SLIT3: variants seen among roughly 807,000 people sequenced by gnomAD.
SLIT3 encodes the protein slit guidance ligand 3.
A neutral mutation model predicts 184.0 loss-of-function variants in SLIT3; 68 were observed. The ratio of observed to expected loss-of-function variants is 0.37; its 90% confidence interval spans 0.30 to 0.45. SLIT3 has a LOEUF of 0.45. Ranked by LOEUF, SLIT3 falls within the 20% of genes least tolerant of loss-of-function variation. The probability of loss-of-function intolerance (pLI) is 1.00; values close to 1 mark genes in which losing one functional copy is unlikely to be tolerated. For missense variants in SLIT3, 1,707 were observed against 2,026.0 expected (o/e 0.84, Z 3.02); for synonymous variants, 831 against 828.6 (o/e 1.00, Z -0.05).
chr5:168,669,931 G>A lies in SLIT3; in HGVS notation c.4188C>T (p.Gly1396=). ...GTSYMCKCAE[G]YGGDLCDNKN... The stretch of plus-strand genomic sequence containing the variant: ...TGTTGTCACACAAGTCCCCTCCATA[G>A]CCCTCGGCACACTTGCACATGTATG... The change falls in exon 35 of 36, where the codon GGC becomes GGT. Residue 1396 remains glycine, a synonymous_variant. Transcript: ENST00000519560. 6.2e-7 allele frequency: 1 copy of A among 1,614,152 alleles called. No individual in the cohort carries two copies. Among genetic ancestry groups the A allele is most frequent in the Non-Finnish European group, 8.5e-7 (1 of 1,180,026 alleles).
intron 3 of SLIT3, among the ~76,000 whole-genome samples, chr5:169,229,713 A>G (rs1488406540): frequency 6.6e-6 from 1 of 151,524 alleles, no homozygotes; most frequent in Non-Finnish European, 1.5e-5. Context: ...GAGGGAGAGG[A>G]GCAGTGCTGA....
At chr5:169,215,508 T>C (rs965860141) in intron 3 of SLIT3, among the ~76,000 whole-genome samples, 4 of 135,114 alleles carry the variant, frequency 3.0e-5, no homozygotes, top group African/African-American at 8.6e-5. Context: ...GTAGGCTCCA[T>C]GGTGTCTGTC....
intron 3 of SLIT3, among the ~76,000 whole-genome samples, chr5:169,227,510 C>A (rs1026605800): frequency 1.3e-5 from 2 of 152,176 alleles, no homozygotes; most frequent in East Asian, 1.9e-4. Flanking sequence ...TTACTGCAAC[C>A]TCCCCCTCCT....
chr5:168,952,313 G>A (rs777298299), intron 4 of SLIT3, among the ~76,000 whole-genome samples: 11 of 152,090 alleles, frequency 7.2e-5, no homozygotes, highest in Non-Finnish European at 1.6e-4. Flanking sequence ...GCAAGGCCTC[G>A]TTCCTCTTTT....
At chr5:168,849,702 A>G (rs1219989582) in intron 5 of SLIT3, among the ~76,000 whole-genome samples, 1 of 152,238 alleles carries the variant, frequency 6.6e-6, no homozygotes, top group Admixed American at 6.5e-5. Flanking sequence ...TGAAAGGTTT[A>G]AGGGAATTTA....
At chr5:168,890,556 A>G (rs1364846721) in intron 4 of SLIT3, among the ~76,000 whole-genome samples, 1 of 152,248 alleles carries the variant, frequency 6.6e-6, no homozygotes, top group Non-Finnish European at 1.5e-5. Flanking sequence ...AAAAATTTAA[A>G]GTGAGAATAG....
At chr5:169,161,607 G>C (rs1323235856) in intron 4 of SLIT3, among the ~76,000 whole-genome samples, 2 of 152,084 alleles carry the variant, frequency 1.3e-5, no homozygotes, top group Admixed American at 1.3e-4. Flanking sequence ...GATATCAGAA[G>C]GGAGGCCAAC....
At chr5:169,188,160 T>C (rs1373901460) in intron 4 of SLIT3, among the ~76,000 whole-genome samples, 3 of 152,212 alleles carry the variant, frequency 2.0e-5, no homozygotes, top group African/African-American at 7.2e-5. Flanking sequence ...GGTTTCACCA[T>C]GTTGCCCAGG....
At chr5:168,847,366 T>C (rs893548909) in intron 5 of SLIT3, among the ~76,000 whole-genome samples, 2 of 152,330 alleles carry the variant, frequency 1.3e-5, no homozygotes, top group South Asian at 2.1e-4. Context: ...ATTCCAACCA[T>C]GATGGTCAAG....
At chr5:168,976,794 T>C (rs537362910) in intron 4 of SLIT3, among the ~76,000 whole-genome samples, 2 of 152,222 alleles carry the variant, frequency 1.3e-5, no homozygotes, top group East Asian at 3.9e-4. Context: ...ATTTAAGTGA[T>C]GAATTATCTA....
intron 29 of SLIT3, among the ~76,000 whole-genome samples, chr5:168,690,822 T>G (rs925866747): frequency 2.6e-5 from 4 of 152,114 alleles, no homozygotes; most frequent in African/African-American, 9.7e-5. Flanking sequence ...CTCTTGGCAT[T>G]TCCCCTGGTG....
rs572335712 is a variant in SLIT3 at position 169,246,022 on chromosome 5, T to C, written c.270-1246A>G. Among the ~76,000 whole-genome samples the C allele has an allele frequency of 2.6e-5, 4 of 152,280 alleles. No individual in the cohort carries two copies. In the East Asian group the frequency reaches 7.7e-4, roughly 29 times the overall value. ...GACTTTGGGCCATGGCACACACCGA[T>C]TGTATATGTGTCTGGGACAGGTAAC... is the stretch of plus-strand genomic sequence containing the variant. On this transcript the variant is annotated intron_variant, in intron 2 of 35. Transcript: ENST00000519560.
chr5:168,868,476 G>A (rs920486719), intron 5 of SLIT3, among the ~76,000 whole-genome samples: 4 of 152,114 alleles, frequency 2.6e-5, no homozygotes, highest in South Asian at 2.1e-4. Flanking sequence ...TTGGCCGGGC[G>A]CAGCGGCTCA....
chr5:169,201,776 T>G (rs1251927765), intron 3 of SLIT3, among the ~76,000 whole-genome samples: 1 of 152,202 alleles, frequency 6.6e-6, no homozygotes, highest in Non-Finnish European at 1.5e-5. Flanking sequence ...TTAACTCCCT[T>G]GACCCAGCAG....
intron 1 of SLIT3, among the ~76,000 whole-genome samples, chr5:169,271,953 C>A (rs1766638376): frequency 2.0e-5 from 3 of 152,178 alleles, no homozygotes. Context: ...GGCAAATGAG[C>A]ACAGTGCTGG....
intron 19 of SLIT3, 59 bp from the exon 20 acceptor site, chr5:168,748,493 C>T (rs959960403): frequency 6.8e-7 from 1 of 1,471,044 alleles, no homozygotes; most frequent in East Asian, 2.7e-5. Context: ...TAGGGGGAGC[C>T]AGTGAGCAAG....
intron 5 of SLIT3, among the ~76,000 whole-genome samples, chr5:168,851,537 A>G (rs564372846): frequency 6.6e-6 from 1 of 152,306 alleles, no homozygotes; most frequent in African/African-American, 2.4e-5. Flanking sequence ...CGAGGGGACC[A>G]AGGAAGTTTG....
intron 1 of SLIT3, among the ~76,000 whole-genome samples, chr5:169,287,180 C>T (rs969725955): frequency 1.3e-4 from 20 of 152,200 alleles, no homozygotes; most frequent in Non-Finnish European, 2.4e-4. Context: ...CATGAAGCAA[C>T]TGGCCTTCCC....
At chr5:168,884,483 G>A (rs116315341) in intron 4 of SLIT3, among the ~76,000 whole-genome samples, 1,912 of 105,088 alleles carry the variant, frequency 0.018, 33 homozygotes, top group African/African-American at 0.061. Flanking sequence ...AAGAACACCC[G>A]AAAAACCCTC....
Sources: gnomAD v4.1 joint callset for allele counts (sites outside exome capture counted in the v4.1 genomes callset) on GRCh38, gnomAD v4.1.1 for gene constraint, MANE v1.5 for transcripts, NCBI Gene and HGNC (gene_info 2026-07-23, HGNC 2026-07-21) for gene names.